Variants in SGCZ observed in about 807,000 individuals in gnomAD.
SGCZ encodes zeta-sarcoglycan.
In SGCZ, 40 loss-of-function variants were observed where a neutral mutation model predicts 41.3. The observed-to-expected ratio is 0.97, with a 90% CI of 0.75 to 1.26. The LOEUF (loss-of-function observed/expected upper bound fraction) is 1.26, where lower values mean the gene tolerates loss of function less well. SGCZ is among the 50% of genes most tolerant of loss of function. The pLI is 0.00. For synonymous variants in SGCZ, 206 were observed against 137.5 expected, an observed-to-expected ratio of 1.50 and a Z score of -3.49; for missense variants, 552 against 369.8, an observed-to-expected ratio of 1.49 and a Z score of -4.04.
At chr8:14,390,133 A>G (rs1044323928) in intron 2 of SGCZ, among the ~76,000 whole-genome samples, 2 of 151,976 alleles carry the variant, frequency 1.3e-5, no homozygotes, top group African/African-American at 4.8e-5. Flanking sequence ...CAGGACATCT[A>G]TTTATTTAGG....
intron 2 of SGCZ, among the ~76,000 whole-genome samples, chr8:14,371,120 C>T (rs1803893917): frequency 6.6e-6 from 1 of 151,784 alleles, no homozygotes; most frequent in Non-Finnish European, 1.5e-5. Context: ...TAGCAAAATT[C>T]CTCCCAGATG....
intron 2 of SGCZ, among the ~76,000 whole-genome samples, chr8:14,518,316 G>C (rs1802686150): frequency 6.6e-6 from 1 of 151,946 alleles, no homozygotes; most frequent in Admixed American, 6.6e-5. Context: ...ATATGTCCCT[G>C]CAGATCTTAC....
intron 3 of SGCZ, among the ~76,000 whole-genome samples, chr8:14,282,012 T>C (rs1800460742): frequency 6.6e-6 from 1 of 152,150 alleles, no homozygotes; most frequent in South Asian, 2.1e-4. Flanking sequence ...GCTTAGTTTA[T>C]ATCCAACCAG....
At chr8:14,381,904 C>G (rs1457945625) in intron 2 of SGCZ, among the ~76,000 whole-genome samples, 2 of 152,092 alleles carry the variant, frequency 1.3e-5, no homozygotes, top group Non-Finnish European at 2.9e-5. Flanking sequence ...TTCTATTTTT[C>G]TGCTATGATT....
intron 5 of SGCZ, among the ~76,000 whole-genome samples, chr8:14,122,335 C>G (rs34389480): frequency 6.6e-6 from 1 of 151,970 alleles, no homozygotes; most frequent in Non-Finnish European, 1.5e-5. Context: ...GAGATAGGAA[C>G]ATTCTCATTC....
chr8:15,220,200 G>C (rs551696979), intron 1 of SGCZ, among the ~76,000 whole-genome samples: 1 of 152,238 alleles, frequency 6.6e-6, no homozygotes, highest in East Asian at 1.9e-4. Flanking sequence ...AAGTTTTTGA[G>C]GTCATTAATA....
At chr8:14,406,907 C>G (rs1428803320) in intron 2 of SGCZ, among the ~76,000 whole-genome samples, 1 of 152,160 alleles carries the variant, frequency 6.6e-6, no homozygotes, top group Non-Finnish European at 1.5e-5. Flanking sequence ...TATACTGCTA[C>G]TTCAATACAA....
At chr8:14,475,680 G>A (rs1801336746) in intron 2 of SGCZ, among the ~76,000 whole-genome samples, 1 of 151,812 alleles carries the variant, frequency 6.6e-6, no homozygotes, top group Non-Finnish European at 1.5e-5. Flanking sequence ...TTTTAATGAG[G>A]GTCTTACAGC....
chr8:14,816,324 C>A (rs1176506749), intron 1 of SGCZ, among the ~76,000 whole-genome samples: 7 of 152,148 alleles, frequency 4.6e-5, no homozygotes, highest in African/African-American at 2.4e-5. Flanking sequence ...ACATTACCAG[C>A]CCACAGTTCC....
At chr8:14,840,824 G>C (rs1802878483) in intron 1 of SGCZ, among the ~76,000 whole-genome samples, 1 of 151,982 alleles carries the variant, frequency 6.6e-6, no homozygotes, top group Admixed American at 6.6e-5. Context: ...CCTCTTATGA[G>C]ACTCAAGAAG....
chr8:15,021,835 T>G (rs1215065000), intron 1 of SGCZ, among the ~76,000 whole-genome samples: 1 of 152,224 alleles, frequency 6.6e-6, no homozygotes, highest in Non-Finnish European at 1.5e-5. Flanking sequence ...GTCTCTGACC[T>G]TCTAGATACA....
At chr8:14,789,178 G>A (rs1342112975) in intron 1 of SGCZ, among the ~76,000 whole-genome samples, 2 of 151,950 alleles carry the variant, frequency 1.3e-5, no homozygotes, top group African/African-American at 4.8e-5. Context: ...ATGCTTGGGG[G>A]CCATTTTAAA....
intron 1 of SGCZ, among the ~76,000 whole-genome samples, chr8:14,625,261 A>G (rs1399393545): frequency 6.6e-6 from 1 of 152,168 alleles, no homozygotes; most frequent in African/African-American, 2.4e-5. Context: ...GCATATTTTG[A>G]AATCTTTATA....
intron 1 of SGCZ, among the ~76,000 whole-genome samples, chr8:15,036,043 A>G (rs1803861932): frequency 6.6e-6 from 1 of 152,168 alleles, no homozygotes; most frequent in Non-Finnish European, 1.5e-5. Context: ...TAAAAAACAA[A>G]GAGAGTTGCT....
intron 2 of SGCZ, among the ~76,000 whole-genome samples, chr8:14,335,136 G>C (rs1408332417): frequency 6.6e-6 from 1 of 152,094 alleles, no homozygotes; most frequent in East Asian, 1.9e-4. Context: ...TTGCTTTATG[G>C]TTCACGAAGC....
rs568118551 is a variant in SGCZ, at chr8:14,118,861, C to T, written c.548-10626G>A. 9.9e-5 allele frequency among the ~76,000 whole-genome samples: 15 copies of T among 152,244 alleles called. No homozygotes were observed. In the South Asian group the frequency reaches 1.9e-3, roughly 19 times the overall value. The stretch of plus-strand genomic sequence containing the variant: ...TGTTTTTGTCAGATTTGTCAAAGAT[C>T]AGATGGTTGTGGATGTGTGGTGTTA... On this transcript the variant is annotated intron_variant, in intron 5 of 7. Transcript: ENST00000382080.
intron 1 of SGCZ, among the ~76,000 whole-genome samples, chr8:15,192,830 C>T (rs1376461213): frequency 1.3e-5 from 2 of 151,984 alleles, no homozygotes; most frequent in Non-Finnish European, 2.9e-5. Context: ...TTTCTCACTC[C>T]AAGAAAACAA....
At chr8:14,438,464 T>C (rs574037854) in intron 2 of SGCZ, among the ~76,000 whole-genome samples, 1 of 152,120 alleles carries the variant, frequency 6.6e-6, no homozygotes, top group African/African-American at 2.4e-5. Flanking sequence ...TATTATGCCT[T>C]ACTAACTGAA....
chr8:14,990,348 G>T (rs1563415680), intron 1 of SGCZ, among the ~76,000 whole-genome samples: 1 of 151,840 alleles, frequency 6.6e-6, no homozygotes, highest in South Asian at 2.1e-4. Context: ...CCAGATCCCT[G>T]GCCTGTTAGG....
Sources: gnomAD v4.1 joint callset for allele counts (sites outside exome capture counted in the v4.1 genomes callset) on GRCh38, gnomAD v4.1.1 for gene constraint, MANE v1.5 for transcripts, NCBI Gene and HGNC (gene_info 2026-07-23, HGNC 2026-07-21) for gene names.